The following DAB1 variants were observed in gnomAD, a reference collection of about 807,000 sequenced individuals.
DAB1 encodes the protein disabled homolog 1.
Under a neutral mutation model 64.6 loss-of-function variants are expected in DAB1, and 15 were observed. The ratio of observed to expected loss-of-function variants is 0.23; its 90% CI spans 0.16 to 0.36. DAB1 has a LOEUF of 0.36. Among genes scored for constraint, DAB1 ranks in the 10% least tolerant of loss-of-function variants. DAB1 has a pLI of 1.00. For synonymous variants in DAB1, 235 were observed against 251.9 expected (o/e 0.93, Z 0.64); for missense variants, 596 against 706.7 (o/e 0.84, Z 1.78).
intron 6 of DAB1, among the ~76,000 whole-genome samples, chr1:57,819,617 G>A (rs6682022): frequency 0.15 from 23,243 of 152,084 alleles, 1,855 homozygotes; most frequent in East Asian, 0.21. Context: ...AAAGAGAGGC[G>A]GTCATCTTTC....
intron 5 of DAB1, among the ~76,000 whole-genome samples, chr1:58,129,328 T>C (rs1653360860): frequency 6.7e-6 from 1 of 149,968 alleles, no homozygotes; most frequent in African/African-American, 2.5e-5. Context: ...TTTTATTGTG[T>C]CTATTTGATT....
At chr1:58,391,524 T>C (rs544652641) in intron 3 of DAB1, among the ~76,000 whole-genome samples, 1 of 152,350 alleles carries the variant, frequency 6.6e-6, no homozygotes, top group Non-Finnish European at 1.5e-5. Context: ...TCGGGCCTCC[T>C]TCCTTTAACA....
At chr1:57,702,688 T>C (rs1178685351) in intron 6 of DAB1, among the ~76,000 whole-genome samples, 1 of 152,206 alleles carries the variant, frequency 6.6e-6, no homozygotes, top group East Asian at 1.9e-4. Context: ...ATTTGGAAGA[T>C]ATTTAGTAAA....
intron 3 of DAB1, among the ~76,000 whole-genome samples, chr1:58,392,644 T>G (rs751079268): frequency 1.3e-5 from 2 of 152,202 alleles, no homozygotes; most frequent in Non-Finnish European, 2.9e-5. Flanking sequence ...ACCATCTCCT[T>G]TCTCCTCTCA....
intron 5 of DAB1, among the ~76,000 whole-genome samples, chr1:58,044,037 C>G (rs530329365): frequency 1.3e-4 from 20 of 152,302 alleles, no homozygotes; most frequent in African/African-American, 4.6e-4. Context: ...AACTTAACTA[C>G]TTTATAGCAT....
chr1:58,024,955 A>G (rs934055704), intron 5 of DAB1, among the ~76,000 whole-genome samples: 2 of 152,114 alleles, frequency 1.3e-5, no homozygotes, highest in Admixed American at 1.3e-4. Flanking sequence ...AGATCTTGGG[A>G]CTTGTCAGCC....
At chr1:57,928,687 T>C (rs1644913509) in intron 5 of DAB1, among the ~76,000 whole-genome samples, 1 of 152,224 alleles carries the variant, frequency 6.6e-6, no homozygotes, top group Admixed American at 6.5e-5. Context: ...CAATGCCATA[T>C]AGTTGAAATC....
intron 14 of DAB1, among the ~76,000 whole-genome samples, chr1:57,003,031 G>A (rs1034412232): frequency 3.3e-5 from 5 of 152,212 alleles, no homozygotes; most frequent in African/African-American, 1.2e-4. Context: ...ATAATCACCT[G>A]TGGGTTTCTT....
At chr1:58,255,497 G>A (rs1212234339) in intron 4 of DAB1, among the ~76,000 whole-genome samples, 1 of 152,022 alleles carries the variant, frequency 6.6e-6, no homozygotes, top group Non-Finnish European at 1.5e-5. Flanking sequence ...GTAGGAAGCA[G>A]GAGGGGTCAT....
intron 7 of DAB1, among the ~76,000 whole-genome samples, chr1:57,550,765 A>G (rs1364572093): frequency 6.6e-6 from 1 of 152,146 alleles, no homozygotes; most frequent in Non-Finnish European, 1.5e-5. Flanking sequence ...CTTTTTTGTT[A>G]AATAAAGTGT....
chr1:57,358,261 T>C (rs575151996), intron 1 of DAB1, among the ~76,000 whole-genome samples: 1 of 152,148 alleles, frequency 6.6e-6, no homozygotes, highest in Non-Finnish European at 1.5e-5. Flanking sequence ...TTTTCCTCAT[T>C]TATTATTATA....
At chr1:58,362,398 C>T (rs946289287) in intron 3 of DAB1, among the ~76,000 whole-genome samples, 7 of 152,190 alleles carry the variant, frequency 4.6e-5, no homozygotes, top group African/African-American at 1.7e-4. Context: ...GGGAAAAATA[C>T]TGACCTACAT....
chr1:57,168,057 C>T (rs1396191114), intron 2 of DAB1, among the ~76,000 whole-genome samples: 3 of 152,120 alleles, frequency 2.0e-5, no homozygotes, highest in African/African-American at 7.2e-5. Flanking sequence ...TCTAAAATGT[C>T]GTAACAGTCA....
At chr1:57,780,556 T>G (rs146033755) in intron 6 of DAB1, among the ~76,000 whole-genome samples, 1 of 150,364 alleles carries the variant, frequency 6.7e-6, no homozygotes, top group African/African-American at 2.4e-5. Context: ...TGTTAAAACA[T>G]AGACAATTTT....
chr1:58,314,561 C>T (rs904978490), intron 4 of DAB1, among the ~76,000 whole-genome samples: 1 of 152,130 alleles, frequency 6.6e-6, no homozygotes, highest in Non-Finnish European at 1.5e-5. Flanking sequence ...CAGCAAGTGA[C>T]GCCCCCATTG....
intron 3 of DAB1, among the ~76,000 whole-genome samples, chr1:58,447,569 T>C (rs1645082199): frequency 6.6e-6 from 1 of 152,100 alleles, no homozygotes. Context: ...TCCCAGAGCT[T>C]ATAGATTAGT....
chr1:57,570,230 C>A (rs1645178269), intron 7 of DAB1, among the ~76,000 whole-genome samples: 3 of 152,242 alleles, frequency 2.0e-5, no homozygotes, highest in Admixed American at 2.0e-4. Flanking sequence ...ACTGGCTTAG[C>A]TTCCCAGCCT....
chr1:58,450,005 G>A (rs1334188547), intron 3 of DAB1, among the ~76,000 whole-genome samples: 3 of 152,172 alleles, frequency 2.0e-5, no homozygotes, highest in African/African-American at 7.2e-5. Flanking sequence ...AAAAGAATGA[G>A]GGATATGTGA....
chr1:57,894,029 C>T (rs111514262), intron 5 of DAB1, among the ~76,000 whole-genome samples: 2 of 152,086 alleles, frequency 1.3e-5, no homozygotes, highest in Admixed American at 6.6e-5. Flanking sequence ...CATGCTCTCC[C>T]AAGCACTAGC....
Sources: allele counts gnomAD v4.1 joint callset (sites outside exome capture counted in the v4.1 genomes callset), GRCh38; gene constraint gnomAD v4.1.1; transcripts MANE v1.5; gene names NCBI Gene and HGNC (gene_info 2026-07-23, HGNC 2026-07-21).